Variants in MEMO1 observed in about 807,000 individuals in gnomAD.
MEMO1 encodes the protein mediator of cell motility 1.
MEMO1 carries 6 observed loss-of-function variants against 45.2 expected under a neutral mutation model. The observed-to-expected ratio is 0.13, with a 90% CI of 0.07 to 0.26. The LOEUF (loss-of-function observed/expected upper bound fraction) is 0.26, where lower values mean the gene tolerates loss of function less well. MEMO1 is among the 10% of genes least tolerant of loss of function. MEMO1 has a pLI of 1.00. For missense variants in MEMO1, 184 were observed against 370.5 expected (o/e 0.50, Z 4.13); for synonymous variants, 78 against 124.3 (o/e 0.63, Z 2.48).
At chr2:31,923,060 A>C (rs1323772428) in intron 4 of MEMO1, among the ~76,000 whole-genome samples, 1 of 152,128 alleles carries the variant, frequency 6.6e-6, no homozygotes, top group African/African-American at 2.4e-5. Flanking sequence ...ACTGTTTTCC[A>C]CAATGATTGA....
At position 31,943,395 on chromosome 2, in the gene MEMO1, C is replaced by A; in HGVS notation, c.62-12G>T. On this transcript the variant is annotated splice_polypyrimidine_tract_variant and intron_variant, in intron 2 of 9. Coordinates refer to ENST00000404530, the MANE Select transcript of MEMO1 (RefSeq NM_001301833.4). ...ATTCAGCTGCGGTCCTATAAAAAGA[C>A]AAAGACAAAATTAGAGTCAGCAAAG... The A allele has an allele frequency of 1.2e-6, 2 of 1,605,042 alleles. No individual in the cohort carries two copies. Among genetic ancestry groups the A allele is most frequent in the Non-Finnish European group, 1.7e-6 (2 of 1,171,820 alleles).
chr2:31,894,966 G>A (rs1337771119), intron 6 of MEMO1, among the ~76,000 whole-genome samples: 1 of 152,012 alleles, frequency 6.6e-6, no homozygotes, highest in Non-Finnish European at 1.5e-5. Context: ...CCAATAATTA[G>A]CTAAGCACTA....
At chr2:31,890,514 A>G (rs1325084908) in intron 7 of MEMO1, among the ~76,000 whole-genome samples, 1 of 152,172 alleles carries the variant, frequency 6.6e-6, no homozygotes, top group African/African-American at 2.4e-5. Flanking sequence ...TAAGTAGTAT[A>G]CTTATATCCA....
chr2:31,925,213 C>G (rs541346630), intron 4 of MEMO1, among the ~76,000 whole-genome samples: 2 of 152,286 alleles, frequency 1.3e-5, no homozygotes, highest in African/African-American at 4.8e-5. Flanking sequence ...TGCAGTGCCT[C>G]ATGCCTGAAA....
intron 2 of MEMO1, among the ~76,000 whole-genome samples, chr2:31,944,499 A>G (rs1665973285): frequency 6.6e-6 from 1 of 152,204 alleles, no homozygotes; most frequent in South Asian, 2.1e-4. Context: ...CCCTAAATTG[A>G]GAAGATAACT....
At chr2:31,920,615 T>C (rs1261992861) in intron 5 of MEMO1, among the ~76,000 whole-genome samples, 183 bp downstream of exon 5, 1 of 152,176 alleles carries the variant, frequency 6.6e-6, no homozygotes, top group East Asian at 1.9e-4. Context: ...TAAAAAACAC[T>C]AGTTGCCTTT....
At position 32,001,912 on chromosome 2, in the gene MEMO1, CCAA is replaced by C. The variant is rs1435422761; in HGVS notation, c.61+8272_61+8274del. Among the ~76,000 whole-genome samples the C allele has an allele frequency of 3.0e-3, 456 of 151,884 alleles. 2 individuals are homozygous for C. Among genetic ancestry groups the C allele is most frequent in the African/African-American group, 0.01 (432 of 41,444 alleles). ...CCTGCAATCCCAGCGCCTTGGGAGG[CCAA>C]GGAGGGTGGATCACAAGGTCAGGAG... On this transcript the variant is annotated intron_variant, in intron 2 of 9. Coordinates refer to ENST00000404530, the MANE Select transcript of MEMO1 (RefSeq NM_001301833.4).
intron 2 of MEMO1, among the ~76,000 whole-genome samples, chr2:31,950,842 T>C (rs1666768640): frequency 6.6e-6 from 1 of 151,962 alleles, no homozygotes; most frequent in Non-Finnish European, 1.5e-5. Flanking sequence ...GCAAAATAAA[T>C]AAGGTATTCT....
At chr2:32,009,359 G>A (rs1011840974) in intron 2 of MEMO1, among the ~76,000 whole-genome samples, 2 of 152,082 alleles carry the variant, frequency 1.3e-5, no homozygotes, top group Non-Finnish European at 2.9e-5. Context: ...CAGAAGAGCT[G>A]GGAGCCCCCC....
intron 6 of MEMO1, among the ~76,000 whole-genome samples, chr2:31,908,968 T>C (rs1168002754): frequency 1.3e-5 from 2 of 152,202 alleles, no homozygotes; most frequent in South Asian, 4.1e-4. Flanking sequence ...CACAGAATTA[T>C]AGAATGTGTC....
At chr2:31,928,225 C>T (rs936425146) in intron 4 of MEMO1, among the ~76,000 whole-genome samples, 1 of 152,190 alleles carries the variant, frequency 6.6e-6, no homozygotes, top group Non-Finnish European at 1.5e-5. Flanking sequence ...ATTAAGTTAT[C>T]AGCCCCCTAA....
chr2:31,982,041 G>A (rs990621105), intron 2 of MEMO1, among the ~76,000 whole-genome samples: 5 of 152,288 alleles, frequency 3.3e-5, no homozygotes, highest in African/African-American at 1.2e-4. Flanking sequence ...GCTCATGCCT[G>A]TAATCCCAAC....
intron 2 of MEMO1, among the ~76,000 whole-genome samples, chr2:31,983,723 C>T (rs907832865): frequency 3.1e-4 from 47 of 152,304 alleles, no homozygotes; most frequent in Middle Eastern, 3.4e-3. Flanking sequence ...CGTGAGCCAC[C>T]GCGCCCGGCC....
At chr2:31,929,227 A>C (rs540426128) in intron 4 of MEMO1, among the ~76,000 whole-genome samples, 1 of 152,002 alleles carries the variant, frequency 6.6e-6, no homozygotes, top group South Asian at 2.1e-4. Flanking sequence ...TATTAATTAC[A>C]TTTACTTTTT....
intron 2 of MEMO1, chr2:31,963,439 T>C: frequency 1.6e-6 from 1 of 633,420 alleles, no homozygotes; most frequent in Non-Finnish European, 2.3e-6. Flanking sequence ...GAAAACAAAA[T>C]ATTCCCCAGT....
intron 6 of MEMO1, among the ~76,000 whole-genome samples, chr2:31,902,578 AAC>A (rs906760933): frequency 2.6e-5 from 4 of 152,176 alleles, no homozygotes; most frequent in African/African-American, 4.8e-5. Context: ...AAACAGAAAA[AAC>A]AGTTAATAAT....
intron 4 of MEMO1, among the ~76,000 whole-genome samples, chr2:31,922,877 A>G (rs1682525392): frequency 6.6e-6 from 1 of 152,040 alleles, no homozygotes; most frequent in Non-Finnish European, 1.5e-5. Context: ...TCTACCACTG[A>G]TGGGCATTTA....
rs560678977 is a variant in MEMO1 at position 32,006,572 on chromosome 2, CT to C, written c.61+3614del. Among the ~76,000 whole-genome samples, 614 of 144,020 alleles carry C rather than the reference CT, an allele frequency of 4.3e-3. 9 individuals carry two copies. Among genetic ancestry groups the C allele is most frequent in the African/African-American group, 0.015 (578 of 38,232 alleles). 94.5% of individuals were successfully genotyped at this position (144,020 alleles called of 152,430 possible). A position where few individuals can be genotyped will look rare whatever the true frequency, so the allele number is the denominator to read the frequency against. On this transcript the variant is annotated intron_variant, in intron 2 of 9. Transcript: ENST00000404530. ...AACCCATTAAATATTAACAACCATT[CT>C]TAGCTACTGGACCTTACCAAAAAAA... is the stretch of plus-strand genomic sequence containing the variant.
At chr2:31,921,782 AT>A (rs757500544) in intron 4 of MEMO1, among the ~76,000 whole-genome samples, 35 of 152,014 alleles carry the variant, frequency 2.3e-4, no homozygotes, top group Non-Finnish European at 4.0e-4. Flanking sequence ...GTTGAAAAGA[AT>A]TCTATATAAT....
Sources: gnomAD v4.1 joint callset for allele counts (sites outside exome capture counted in the v4.1 genomes callset) on GRCh38, gnomAD v4.1.1 for gene constraint, MANE v1.5 for transcripts, NCBI Gene and HGNC (gene_info 2026-07-23, HGNC 2026-07-21) for gene names.